The following MYO3B variants were observed in gnomAD, a reference collection of about 807,000 sequenced individuals.
The protein encoded by MYO3B is myosin-IIIb.
Under a neutral mutation model 174.6 loss-of-function variants are expected in MYO3B, and 156 were observed. The ratio of observed to expected loss-of-function variants is 0.89; its 90% CI spans 0.78 to 1.02. MYO3B has a LOEUF of 1.02. Among genes scored for constraint, MYO3B ranks in the 50% least tolerant of loss-of-function variants. The probability of loss-of-function intolerance (pLI) is 0.00; values close to 1 mark genes in which losing one functional copy is unlikely to be tolerated. For synonymous variants in MYO3B, 563 were observed against 569.1 expected (o/e 0.99, Z 0.15); for missense variants, 1,632 against 1,639.4 (o/e 1.00, Z 0.08).
chr2:170,629,641 G>C (rs188445440), intron 32 of MYO3B, among the ~76,000 whole-genome samples: 2 of 152,246 alleles, frequency 1.3e-5, no homozygotes, highest in Non-Finnish European at 2.9e-5. Flanking sequence ...CCTGAGCTTA[G>C]GAGTTCAAGA....
intron 23 of MYO3B, among the ~76,000 whole-genome samples, chr2:170,458,956 G>T (rs748583850): frequency 1.3e-5 from 2 of 152,100 alleles, no homozygotes; most frequent in African/African-American, 2.4e-5. Context: ...GGACCCTCGC[G>T]GTGAGTGTTA....
chr2:170,415,379 C>A (rs2094571597), intron 22 of MYO3B, among the ~76,000 whole-genome samples: 1 of 152,160 alleles, frequency 6.6e-6, no homozygotes, highest in Non-Finnish European at 1.5e-5. Flanking sequence ...TATCCACATT[C>A]CTGTTTTATT....
chr2:170,541,860 C>T lies in MYO3B; in HGVS notation c.3576-1046C>T, dbSNP rs149020325. Among the ~76,000 whole-genome samples, 405 of 152,002 alleles carry T rather than the reference C, an allele frequency of 2.7e-3. 1 individual carries two copies. Among genetic ancestry groups the T allele is most frequent in the African/African-American group, 8.7e-3 (360 of 41,460 alleles). Reference sequence around the variant, plus strand: ...CACAAATAAATATAGAATTATAGTCCCCTCCTTCCAGGTACTGATGTGGTA... The same window carrying T: ...CACAAATAAATATAGAATTATAGTCTCCTCCTTCCAGGTACTGATGTGGTA... On this transcript the variant is annotated intron_variant, in intron 30 of 34. Coordinates refer to ENST00000408978, the MANE Select transcript of MYO3B (RefSeq NM_138995.5).
At chr2:170,388,978 T>C (rs1352964823) in intron 14 of MYO3B, among the ~76,000 whole-genome samples, 3 of 152,160 alleles carry the variant, frequency 2.0e-5, no homozygotes, top group African/African-American at 7.2e-5. Context: ...TTAGGGTGGT[T>C]TTAAAATTTA....
At chr2:170,180,508 T>C (rs6433172) in intron 1 of MYO3B, among the ~76,000 whole-genome samples, 59,923 of 152,062 alleles carry the variant, frequency 0.39, 12,124 homozygotes, top group African/African-American at 0.48. Context: ...CTCTGTTTCA[T>C]ATGGTTTCTG....
At chr2:170,451,858 A>C (rs992090152) in intron 23 of MYO3B, among the ~76,000 whole-genome samples, 1 of 152,226 alleles carries the variant, frequency 6.6e-6, no homozygotes, top group Non-Finnish European at 1.5e-5. Flanking sequence ...ACAGATCCCC[A>C]AAATTAAGGG....
chr2:170,514,406 C>T (rs909593178), intron 28 of MYO3B, among the ~76,000 whole-genome samples: 2 of 152,174 alleles, frequency 1.3e-5, no homozygotes, highest in Non-Finnish European at 2.9e-5. Context: ...TAATAAAAAT[C>T]TATGATCAGG....
intron 25 of MYO3B, among the ~76,000 whole-genome samples, chr2:170,478,601 C>T (rs1261435193): frequency 1.5e-5 from 2 of 135,734 alleles, no homozygotes; most frequent in Non-Finnish European, 3.1e-5. Flanking sequence ...TGGAGTCTCA[C>T]TCTGTCACCC....
At chr2:170,426,753 C>T (rs1237794489) in intron 22 of MYO3B, among the ~76,000 whole-genome samples, 1 of 152,088 alleles carries the variant, frequency 6.6e-6, no homozygotes, top group Non-Finnish European at 1.5e-5. Flanking sequence ...GGCGTGGCAG[C>T]TCACACCTGT....
intron 30 of MYO3B, among the ~76,000 whole-genome samples, chr2:170,520,415 C>A (rs1559079809): frequency 6.6e-6 from 1 of 151,422 alleles, no homozygotes; most frequent in South Asian, 2.1e-4. Context: ...TAGTTAGACC[C>A]TGTCTCCATA....
chr2:170,491,616 G>T (rs370585388), intron 25 of MYO3B, among the ~76,000 whole-genome samples: 1 of 152,090 alleles, frequency 6.6e-6, no homozygotes, highest in Non-Finnish European at 1.5e-5. Flanking sequence ...TAGTAGAGAC[G>T]GGGTTTCACC....
intron 30 of MYO3B, among the ~76,000 whole-genome samples, chr2:170,536,940 G>A (rs557307689): frequency 2.9e-4 from 44 of 152,132 alleles, no homozygotes; most frequent in Admixed American, 2.6e-3. Context: ...GGTGGCTCAC[G>A]CCTGTAATCC....
intron 7 of MYO3B, among the ~76,000 whole-genome samples, chr2:170,252,500 T>G (rs185281780): frequency 1.3e-5 from 2 of 152,352 alleles, no homozygotes. Flanking sequence ...AGTTGATGCT[T>G]GGAACTAGTT....
intron 32 of MYO3B, among the ~76,000 whole-genome samples, chr2:170,545,456 C>T (rs1690418195): frequency 6.6e-6 from 1 of 152,240 alleles, no homozygotes; most frequent in African/African-American, 2.4e-5. Flanking sequence ...TTGTTATTGA[C>T]ATTATATAAA....
At chr2:170,341,506 A>G (rs2093976574) in intron 8 of MYO3B, 2 of 152,242 alleles carry the variant, frequency 1.3e-5, no homozygotes, top group Admixed American at 1.3e-4. Flanking sequence ...GAGCAGTGGT[A>G]TCTCTAGTGA....
chr2:170,317,639 C>T (rs917013196), intron 7 of MYO3B, among the ~76,000 whole-genome samples: 13 of 152,060 alleles, frequency 8.5e-5, no homozygotes, highest in East Asian at 7.7e-4. Flanking sequence ...GGTGAAAGAC[C>T]GGAGGTTGCT....
chr2:170,499,843 G>C, intron 27 of MYO3B, 35 bp downstream of exon 27: 1 of 1,603,582 alleles, frequency 6.2e-7, no homozygotes, highest in South Asian at 1.1e-5. Flanking sequence ...ACTGCCCTGG[G>C]TATTGGCATG....
chr2:170,499,933 CCCTT>C (rs1179164017), intron 27 of MYO3B, 125 bp downstream of exon 27: 170 of 695,788 alleles, frequency 2.4e-4, no homozygotes, highest in African/African-American at 5.1e-4. Flanking sequence ...CTCCCTCCCT[CCCTT>C]CCTTCCTTCC....
chr2:170,542,968 T>G lies in MYO3B; in HGVS notation c.3636+2T>G, dbSNP rs1193168338. 2 of 1,608,246 alleles carry G rather than the reference T, an allele frequency of 1.2e-6. No individual in the cohort carries two copies. The highest frequency in any genetic ancestry group is 1.7e-6 in the Non-Finnish European group (2 of 1,176,620). On this transcript the variant is annotated splice_donor_variant, in intron 31 of 34. Coordinates refer to ENST00000408978, the MANE Select transcript of MYO3B (RefSeq NM_138995.5). LOFTEE classifies it high-confidence loss of function. The stretch of plus-strand genomic sequence containing the variant: ...ATCTTCGCAGGACATGCAAACAAGG[T>G]AGCTGGATATCTTGATTCCAAAGTA...
Sources: allele counts gnomAD v4.1 joint callset (sites outside exome capture counted in the v4.1 genomes callset), GRCh38; gene constraint gnomAD v4.1.1; transcripts MANE v1.5; gene names NCBI Gene and HGNC (gene_info 2026-07-23, HGNC 2026-07-21).